TBC1D5: variants seen among roughly 807,000 people sequenced by gnomAD.
The protein encoded by TBC1D5 is TBC1 domain family, member 5.
TBC1D5 carries 75 observed loss-of-function variants against 100.3 expected under a neutral mutation model. The ratio of observed to expected loss-of-function variants is 0.75; its 90% CI spans 0.62 to 0.91. TBC1D5 has a LOEUF of 0.91. TBC1D5 is among the 40% of genes least tolerant of loss of function. The probability of loss-of-function intolerance (pLI) is 0.00; values close to 1 mark genes in which losing one functional copy is unlikely to be tolerated. For missense variants in TBC1D5, 910 were observed against 942.4 expected, an observed-to-expected ratio of 0.97 and a Z score of 0.45; for synonymous variants, 323 against 325.6, an observed-to-expected ratio of 0.99 and a Z score of 0.09.
At chr3:17,516,171 A>G (rs1299260571) in intron 2 of TBC1D5, among the ~76,000 whole-genome samples, 6 of 152,192 alleles carry the variant, frequency 3.9e-5, no homozygotes, top group African/African-American at 1.2e-4. Context: ...TCCAACATTC[A>G]ACTTTTCCTT....
intron 1 of TBC1D5, among the ~76,000 whole-genome samples, chr3:17,666,043 T>TGA (rs2067222273): frequency 6.6e-6 from 1 of 152,192 alleles, no homozygotes; most frequent in South Asian, 2.1e-4. Context: ...ACATTCTATT[T>TGA]CATCTTTCTA....
intron 3 of TBC1D5, among the ~76,000 whole-genome samples, chr3:17,490,156 G>A (rs2095620590): frequency 6.6e-6 from 1 of 151,896 alleles, no homozygotes; most frequent in Non-Finnish European, 1.5e-5. Context: ...TATTGAGAAG[G>A]GTCTGTTCAT....
intron 4 of TBC1D5, among the ~76,000 whole-genome samples, chr3:17,426,690 T>C (rs2094344100): frequency 6.6e-6 from 1 of 152,078 alleles, no homozygotes; most frequent in African/African-American, 2.4e-5. Context: ...AATTATCATT[T>C]AATACTAAGA....
intron 2 of TBC1D5, among the ~76,000 whole-genome samples, chr3:17,602,349 C>T (rs369082249): frequency 2.0e-5 from 3 of 152,122 alleles, no homozygotes; most frequent in African/African-American, 7.2e-5. Flanking sequence ...ATTCATGGAG[C>T]TCAGACATTG....
intron 21 of TBC1D5, among the ~76,000 whole-genome samples, chr3:17,163,002 G>A (rs572114310): frequency 6.6e-6 from 1 of 152,300 alleles, no homozygotes; most frequent in South Asian, 2.1e-4. Flanking sequence ...GTTTAGCAGG[G>A]CCTAGTTTTT....
In TBC1D5 at chr3:17,446,463, T is replaced by TA. The variant is rs1054194772; in HGVS notation, c.98-17945dup. On this transcript the variant is annotated intron_variant, in intron 3 of 21. Coordinates refer to ENST00000253692, the Ensembl canonical transcript of TBC1D5. ...ACATATTGACACCATTCACTGAGATTAAAAAAAAAAATAGGAGAGGAGTTT... is the reference window on the plus strand; with the variant it reads ...ACATATTGACACCATTCACTGAGATTAAAAAAAAAAAATAGGAGAGGAGTTT... 9.6e-3 allele frequency among the ~76,000 whole-genome samples: 1,413 copies of TA among 146,486 alleles called. 17 individuals carry two copies. The highest frequency in any genetic ancestry group is 0.014 in the Non-Finnish European group (945 of 66,170).
intron 8 of TBC1D5, among the ~76,000 whole-genome samples, chr3:17,401,953 T>G (rs2093661690): frequency 6.6e-6 from 1 of 152,120 alleles, no homozygotes; most frequent in South Asian, 2.1e-4. Flanking sequence ...TTTCTGCACC[T>G]ATATACTAGG....
intron 12 of TBC1D5, among the ~76,000 whole-genome samples, chr3:17,372,499 T>G (rs1014581396): frequency 4.6e-5 from 7 of 152,204 alleles, no homozygotes; most frequent in African/African-American, 1.7e-4. Flanking sequence ...AAAAGTCACA[T>G]CTATTATGTT....
At chr3:17,408,842 T>C (rs2093845639) in intron 4 of TBC1D5, among the ~76,000 whole-genome samples, 1 of 152,162 alleles carries the variant, frequency 6.6e-6, no homozygotes, top group South Asian at 2.1e-4. Context: ...TGTTTTCTCT[T>C]GCTTAAGTAA....
Position 17,350,292 on chromosome 3 carries a change from G to T in TBC1D5, c.995+21783C>A, listed in dbSNP as rs569344916. 2.7e-4 allele frequency among the ~76,000 whole-genome samples: 41 copies of T among 152,062 alleles called. 1 individual carries two copies. The South Asian group carries it at 8.5e-3, about 32-fold the overall frequency. On this transcript the variant is annotated intron_variant, in intron 13 of 21. Coordinates refer to ENST00000253692, the Ensembl canonical transcript of TBC1D5. ...AAAAGGAAAACAGAACTTAAAATAT[G>T]ATGTGGGTTAGAGAAACGCATGGGA...
At chr3:17,587,608 T>C (rs1054855355) in intron 2 of TBC1D5, among the ~76,000 whole-genome samples, 1 of 152,076 alleles carries the variant, frequency 6.6e-6, no homozygotes, top group East Asian at 1.9e-4. Context: ...CAATTCATGT[T>C]TTATTTGTAT....
chr3:17,426,723 A>T (rs890680703), intron 4 of TBC1D5, among the ~76,000 whole-genome samples: 3 of 152,016 alleles, frequency 2.0e-5, no homozygotes, highest in Non-Finnish European at 4.4e-5. Flanking sequence ...GAACAAAAAA[A>T]CCCACAAGAT....
At chr3:17,627,146 A>G (rs1428421845) in intron 1 of TBC1D5, among the ~76,000 whole-genome samples, 2 of 152,184 alleles carry the variant, frequency 1.3e-5, no homozygotes, top group East Asian at 3.9e-4. Context: ...AAGACAATAC[A>G]TTGACTAATG....
At chr3:17,465,564 TAAAA>T (rs901356232) in intron 3 of TBC1D5, 1 of 152,120 alleles carries the variant, frequency 6.6e-6, no homozygotes, top group South Asian at 2.1e-4. Flanking sequence ...AAAATAAACA[TAAAA>T]AAATAAGAAA....
At chr3:17,676,317 C>T (rs1003260548) in intron 1 of TBC1D5, among the ~76,000 whole-genome samples, 5 of 152,022 alleles carry the variant, frequency 3.3e-5, no homozygotes, top group Non-Finnish European at 5.9e-5. Context: ...AGGATACAAA[C>T]TTAACGTGCA....
intron 3 of TBC1D5, among the ~76,000 whole-genome samples, chr3:17,442,147 A>G (rs970383534): frequency 1.3e-5 from 2 of 152,138 alleles, no homozygotes; most frequent in African/African-American, 4.8e-5. Context: ...GGGAGCAAAA[A>G]CCCCAAAAGA....
chr3:17,399,944 C>T (rs1262260222), intron 8 of TBC1D5, among the ~76,000 whole-genome samples: 1 of 152,082 alleles, frequency 6.6e-6, no homozygotes, highest in Admixed American at 6.6e-5. Context: ...TCAAAGATGT[C>T]TTCTCCAATC....
At chr3:17,439,677 CAAAGA>C (rs1483609915) in intron 3 of TBC1D5, among the ~76,000 whole-genome samples, 1 of 151,714 alleles carries the variant, frequency 6.6e-6, no homozygotes, top group African/African-American at 2.4e-5. Flanking sequence ...TTTCCTTTTT[CAAAGA>C]AAAGAATTCT....
intron 17 of TBC1D5, among the ~76,000 whole-genome samples, chr3:17,228,810 C>G (rs2075153765): frequency 6.6e-6 from 1 of 151,514 alleles, no homozygotes; most frequent in African/African-American, 2.4e-5. Flanking sequence ...AATAAAAGTA[C>G]TGTGCCCTGT....
Sources: allele counts gnomAD v4.1 joint callset (sites outside exome capture counted in the v4.1 genomes callset), GRCh38; gene constraint gnomAD v4.1.1; transcripts MANE v1.5; gene names NCBI Gene and HGNC (gene_info 2026-07-23, HGNC 2026-07-21).